Variants in PDE4B observed in about 807,000 individuals in gnomAD.
PDE4B encodes the protein phosphodiesterase 4B, also known as 3',5'-cyclic-AMP phosphodiesterase 4B.
Under a neutral mutation model 82.2 loss-of-function variants are expected in PDE4B, and 20 were observed. The observed-to-expected ratio is 0.24, with a 90% CI of 0.17 to 0.35. The LOEUF (loss-of-function observed/expected upper bound fraction) is 0.35, where lower values mean the gene tolerates loss of function less well. PDE4B is among the 10% of genes least tolerant of loss of function. PDE4B has a pLI of 1.00. For missense variants in PDE4B, 655 were observed against 907.2 expected, an observed-to-expected ratio of 0.72 and a Z score of 3.57; for synonymous variants, 320 against 318.9, an observed-to-expected ratio of 1.00 and a Z score of -0.04.
In PDE4B at chr1:66,079,026, G is replaced by A. The variant is rs369260890; in HGVS notation, c.281+160191G>A. On this transcript the variant is annotated intron_variant, in intron 3 of 16. Coordinates refer to ENST00000341517, the MANE Select transcript of PDE4B (RefSeq NM_002600.4). Reference sequence around the variant, plus strand: ...GAATAAACCCTGATGATAAAAAATGGGATGGATTTTGCCACCAGAGAGCCT... The same window carrying A: ...GAATAAACCCTGATGATAAAAAATGAGATGGATTTTGCCACCAGAGAGCCT... Among the ~76,000 whole-genome samples the A allele has an allele frequency of 1.8e-4, 27 of 152,002 alleles. 1 individual carries two copies. In the East Asian group the frequency reaches 4.1e-3, roughly 23 times the overall value.
At chr1:65,958,374 C>T (rs186582102) in intron 3 of PDE4B, among the ~76,000 whole-genome samples, 5 of 151,672 alleles carry the variant, frequency 3.3e-5, no homozygotes, top group South Asian at 4.2e-4. Flanking sequence ...GAAAGTTTGC[C>T]TATATTTTAT....
Position 66,363,250 on chromosome 1 carries a change from T to C in PDE4B, c.1103T>C (p.Met368Thr). 6.2e-7 allele frequency: 1 copy of C among 1,609,708 alleles called. No homozygotes were observed. The highest frequency in any genetic ancestry group is 8.5e-7 in the Non-Finnish European group (1 of 1,176,084). ...YSHNRPLTCI[M>T]YAIFQERDLL... is the part of the protein sequence containing the mutation. ...CACAATAGACCCCTAACATGCATCA[T>C]GTATGCTATATTCCAGGTGAGTGAA... The change falls in exon 11 of 17, where the codon ATG becomes ACG. Residue 368 changes from methionine to threonine, a missense_variant. Coordinates refer to ENST00000341517, the MANE Select transcript of PDE4B (RefSeq NM_002600.4).
chr1:66,031,413 G>C (rs1475855951), intron 3 of PDE4B, among the ~76,000 whole-genome samples: 1 of 152,148 alleles, frequency 6.6e-6, no homozygotes, highest in Non-Finnish European at 1.5e-5. Context: ...GCTCTCACTG[G>C]TGAAAATTTG....
chr1:66,318,094 G>C (rs1659149278), intron 7 of PDE4B, among the ~76,000 whole-genome samples: 1 of 152,192 alleles, frequency 6.6e-6, no homozygotes, highest in East Asian at 1.9e-4. Flanking sequence ...TACATCTGGG[G>C]TTTAGCCTGG....
chr1:65,971,116 T>C (rs1650107562), intron 3 of PDE4B, among the ~76,000 whole-genome samples: 1 of 150,630 alleles, frequency 6.6e-6, no homozygotes, highest in African/African-American at 2.4e-5. Flanking sequence ...AATAAGTAAT[T>C]GTAGTGAGAG....
Position 65,918,671 on chromosome 1 carries a change from C to G in PDE4B, c.117C>G (p.Leu39=). ...SSSSNTLGID[L]WRGRRCCSGN... ...CCAGTAACACACTTGGGATCGACCTCTGGAGAGGGAGAAGGTGTTGCTCAG... is the reference window on the plus strand; with the variant it reads ...CCAGTAACACACTTGGGATCGACCTGTGGAGAGGGAGAAGGTGTTGCTCAG... Residue 39 remains leucine (L), a synonymous_variant, in exon 3 of 17, where the codon CTC becomes CTG. Transcript: ENST00000341517. 6.2e-7 allele frequency: 1 copy of G among 1,613,896 alleles called. No homozygotes were observed. The highest frequency in any genetic ancestry group is 1.1e-5 in the South Asian group (1 of 91,076).
At chr1:65,794,346 T>C (rs954190013) in intron 1 of PDE4B, among the ~76,000 whole-genome samples, 1 of 152,218 alleles carries the variant, frequency 6.6e-6, no homozygotes, top group Non-Finnish European at 1.5e-5. Context: ...CCAGATACTA[T>C]TTTTATTAGT....
intron 1 of PDE4B, among the ~76,000 whole-genome samples, chr1:65,835,255 C>T (rs1646127467): frequency 6.6e-6 from 1 of 151,754 alleles, no homozygotes; most frequent in African/African-American, 2.4e-5. Flanking sequence ...TGGCATCTAA[C>T]ACTCTTCAGT....
chr1:66,298,998 T>C (rs1219961379), intron 7 of PDE4B, among the ~76,000 whole-genome samples: 6 of 152,162 alleles, frequency 3.9e-5, no homozygotes, highest in Admixed American at 2.0e-4. Context: ...TATTTTTATA[T>C]ATGTATACAC....
chr1:65,849,356 A>G (rs1646303523), intron 1 of PDE4B, among the ~76,000 whole-genome samples: 1 of 152,174 alleles, frequency 6.6e-6, no homozygotes, highest in Non-Finnish European at 1.5e-5. Context: ...TTTTACCCAG[A>G]GCAGGTTCAC....
chr1:66,087,905 TA>T (rs1644919830), intron 3 of PDE4B, among the ~76,000 whole-genome samples: 1 of 147,768 alleles, frequency 6.8e-6, no homozygotes, highest in Non-Finnish European at 1.5e-5. Context: ...CATTGGGAGA[TA>T]TACCTAATGC....
intron 3 of PDE4B, among the ~76,000 whole-genome samples, chr1:66,218,246 C>T (rs1238068684): frequency 6.6e-6 from 1 of 152,198 alleles, no homozygotes; most frequent in African/African-American, 2.4e-5. Context: ...TAAGTGATGT[C>T]GGCCGATATC....
intron 3 of PDE4B, among the ~76,000 whole-genome samples, chr1:65,994,870 G>T (rs1320690977): frequency 6.6e-6 from 1 of 151,956 alleles, no homozygotes. Context: ...GATTTTTGAT[G>T]TGCTAAGAAC....
At chr1:65,928,901 G>T (rs778460441) in intron 3 of PDE4B, among the ~76,000 whole-genome samples, 7 of 152,182 alleles carry the variant, frequency 4.6e-5, no homozygotes, top group Admixed American at 2.6e-4. Context: ...AACATTAGAA[G>T]CAGAGTTCCT....
chr1:65,886,178 C>CA (rs1003831940), intron 1 of PDE4B, among the ~76,000 whole-genome samples: 150 of 148,214 alleles, frequency 1.0e-3, no homozygotes, highest in South Asian at 1.1e-3. Context: ...TGAATCTATC[C>CA]AAAAAAAAAG....
intron 1 of PDE4B, among the ~76,000 whole-genome samples, chr1:65,851,081 A>G (rs958765116): frequency 6.6e-6 from 1 of 152,124 alleles, no homozygotes; most frequent in Non-Finnish European, 1.5e-5. Flanking sequence ...AAGTCTTTCT[A>G]TTTCCCATTG....
chr1:65,877,117 CAGCTGG>C (rs1396924987), intron 1 of PDE4B, among the ~76,000 whole-genome samples: 1 of 151,962 alleles, frequency 6.6e-6, no homozygotes, highest in Non-Finnish European at 1.5e-5. Flanking sequence ...GCAAAAAGAA[CAGCTGG>C]AGGCATCATG....
At chr1:66,342,868 A>C (rs549517542) in intron 8 of PDE4B, among the ~76,000 whole-genome samples, 11 of 152,288 alleles carry the variant, frequency 7.2e-5, no homozygotes, top group African/African-American at 2.4e-4. Context: ...ACACGGAGAA[A>C]CCCTGTCTCT....
intron 3 of PDE4B, among the ~76,000 whole-genome samples, chr1:65,967,373 A>C (rs1390888426): frequency 6.6e-6 from 1 of 152,212 alleles, no homozygotes; most frequent in Non-Finnish European, 1.5e-5. Flanking sequence ...ATCATTAAAA[A>C]GTCAGGAAAC....
Sources: allele counts gnomAD v4.1 joint callset (sites outside exome capture counted in the v4.1 genomes callset), GRCh38; gene constraint gnomAD v4.1.1; transcripts MANE v1.5; gene names NCBI Gene and HGNC (gene_info 2026-07-23, HGNC 2026-07-21).